The following NYAP2 variants were observed in gnomAD, a reference collection of about 807,000 sequenced individuals.
NYAP2 encodes the protein neuronal tyrosine-phosphorylated phosphoinositide-3-kinase adapter 2.
NYAP2 carries 23 observed loss-of-function variants against 50.4 expected under a neutral mutation model. That is an observed-to-expected ratio of 0.46 (90% CI 0.33 to 0.65). The LOEUF is 0.65. Ranked by LOEUF, NYAP2 falls within the 30% of genes least tolerant of loss-of-function variation. The pLI, the probability that NYAP2 is intolerant of heterozygous loss-of-function variation, is 0.02. For missense variants in NYAP2, 885 were observed against 861.0 expected (o/e 1.03, Z -0.35); for synonymous variants, 394 against 365.2 (o/e 1.08, Z -0.90).
intron 3 of NYAP2, among the ~76,000 whole-genome samples, chr2:225,416,291 C>T (rs543049764): frequency 1.3e-3 from 198 of 152,124 alleles, no homozygotes; most frequent in African/African-American, 4.5e-3. Context: ...TTTTTTATTC[C>T]TCAAACCATA....
At chr2:225,438,682 T>C (rs1244436250) in intron 3 of NYAP2, among the ~76,000 whole-genome samples, 2 of 152,196 alleles carry the variant, frequency 1.3e-5, no homozygotes, top group East Asian at 3.9e-4. Flanking sequence ...CTAAATTGCT[T>C]GTTCATTCAT....
At position 225,402,239 on chromosome 2, in the gene NYAP2, G is replaced by A. The variant is rs1694875641; in HGVS notation, c.-18+1196G>A. 2.0e-5 allele frequency among the ~76,000 whole-genome samples: 3 copies of A among 151,984 alleles called. No homozygotes were observed. In the South Asian group the frequency reaches 6.2e-4, roughly 31 times the overall value. ...CAGTGGAGAAGCCTGAGGACTTGAA[G>A]CATCTGTCAAGTTTAGAAAGAGAAG... is the stretch of plus-strand genomic sequence containing the variant. On this transcript the variant is annotated intron_variant, in intron 2 of 6. Transcript: ENST00000636099.
the NYAP2 span, among the ~76,000 whole-genome samples, chr2:225,671,147 A>G: frequency 6.6e-6 from 1 of 152,076 alleles, no homozygotes; most frequent in Admixed American, 6.5e-5. Context: ...TTTACAAAAG[A>G]TTCCTCTGTA....
intron 6 of NYAP2, among the ~76,000 whole-genome samples, chr2:225,633,473 G>A (rs1002249950): frequency 6.6e-6 from 1 of 152,172 alleles, no homozygotes; most frequent in African/African-American, 2.4e-5. Context: ...CTTCCTTCAT[G>A]TATTTTGCTT....
intron 4 of NYAP2, among the ~76,000 whole-genome samples, chr2:225,577,840 C>T (rs541197445): frequency 6.6e-6 from 1 of 151,874 alleles, no homozygotes; most frequent in South Asian, 2.1e-4. Flanking sequence ...AAGCCCCTGC[C>T]CCCATATTGA....
intron 6 of NYAP2, among the ~76,000 whole-genome samples, chr2:225,640,133 C>T (rs1201315754): frequency 6.6e-6 from 1 of 152,118 alleles, no homozygotes; most frequent in Non-Finnish European, 1.5e-5. Context: ...CCATCCTAAA[C>T]CAAGAGAAAC....
intron 3 of NYAP2, among the ~76,000 whole-genome samples, chr2:225,484,750 A>G (rs1342659884): frequency 2.0e-5 from 3 of 152,222 alleles, no homozygotes; most frequent in Non-Finnish European, 4.4e-5. Flanking sequence ...AAATTCTGTG[A>G]ATCTTATTAC....
intron 4 of NYAP2, among the ~76,000 whole-genome samples, chr2:225,567,352 T>C (rs1037002909): frequency 3.9e-5 from 6 of 152,012 alleles, no homozygotes; most frequent in African/African-American, 1.4e-4. Flanking sequence ...TTTGAAGGGA[T>C]ATATAAGAAA....
At chr2:225,612,914 A>G (rs1692925761) in intron 5 of NYAP2, among the ~76,000 whole-genome samples, 2 of 61,944 alleles carry the variant, frequency 3.2e-5, no homozygotes, top group African/African-American at 4.3e-5. Flanking sequence ...TATTCAGTCC[A>G]TAACAGTGAG....
the NYAP2 span, among the ~76,000 whole-genome samples, chr2:225,677,890 C>T: frequency 6.6e-6 from 1 of 151,994 alleles, no homozygotes; most frequent in Non-Finnish European, 1.5e-5. Flanking sequence ...TTCATTGTGT[C>T]TCTGCCAGAT....
chr2:225,513,951 A>T (rs554111063), intron 4 of NYAP2, among the ~76,000 whole-genome samples: 1 of 152,252 alleles, frequency 6.6e-6, no homozygotes, highest in African/African-American at 2.4e-5. Flanking sequence ...CCAGAAATAT[A>T]TCTAAAAGTT....
chr2:225,673,694 G>A, the NYAP2 span, among the ~76,000 whole-genome samples: 3 of 152,192 alleles, frequency 2.0e-5, no homozygotes, highest in Admixed American at 2.0e-4. Context: ...TAACCCTTTT[G>A]GGGTTAGGAT....
At chr2:225,511,815 T>C (rs1384505929) in intron 3 of NYAP2, among the ~76,000 whole-genome samples, 1 of 152,212 alleles carries the variant, frequency 6.6e-6, no homozygotes, top group Non-Finnish European at 1.5e-5. Flanking sequence ...ATATGAAAGA[T>C]ATAAAATTCC....
chr2:225,589,712 A>G (rs910077649), intron 5 of NYAP2, among the ~76,000 whole-genome samples: 5 of 151,698 alleles, frequency 3.3e-5, no homozygotes, highest in Non-Finnish European at 7.4e-5. Context: ...AGGAAAATAA[A>G]TTACATTTCG....
chr2:225,514,302 A>G (rs1017207260), intron 4 of NYAP2, among the ~76,000 whole-genome samples: 3 of 152,174 alleles, frequency 2.0e-5, no homozygotes, highest in East Asian at 1.9e-4. Context: ...GCCTTACTGA[A>G]TTTAGTAGAG....
the NYAP2 span, among the ~76,000 whole-genome samples, chr2:225,678,642 TAAA>T: frequency 2.6e-4 from 39 of 152,260 alleles, no homozygotes; most frequent in Middle Eastern, 3.4e-3. Flanking sequence ...AGAGTAAAAA[TAAA>T]AAGACTTTTC....
chr2:225,500,860 T>G (rs1196126213), intron 3 of NYAP2, among the ~76,000 whole-genome samples: 1 of 152,160 alleles, frequency 6.6e-6, no homozygotes, highest in Non-Finnish European at 1.5e-5. Flanking sequence ...AGAAATAGTT[T>G]GGGGTCATGC....
At chr2:225,635,087 G>A (rs985521863) in intron 6 of NYAP2, among the ~76,000 whole-genome samples, 1 of 152,144 alleles carries the variant, frequency 6.6e-6, no homozygotes, top group African/African-American at 2.4e-5. Context: ...CTTCCTGACA[G>A]CAATAACTCA....
intron 6 of NYAP2, among the ~76,000 whole-genome samples, chr2:225,627,874 C>G (rs1200936549): frequency 6.6e-6 from 1 of 152,164 alleles, no homozygotes; most frequent in Admixed American, 6.6e-5. Flanking sequence ...ATCAAGGAAC[C>G]TCCTGTAGTT....
Sources: allele counts gnomAD v4.1 joint callset (sites outside exome capture counted in the v4.1 genomes callset), GRCh38; gene constraint gnomAD v4.1.1; transcripts MANE v1.5; gene names NCBI Gene and HGNC (gene_info 2026-07-23, HGNC 2026-07-21).